NAGA: variants seen among roughly 807,000 people sequenced by gnomAD.
NAGA encodes Acetylgalactosaminidase, alpha-N- (alpha-galactosidase B).
A neutral mutation model predicts 45.6 loss-of-function variants in NAGA; 42 were observed. The ratio of observed to expected loss-of-function variants is 0.92; its 90% CI spans 0.72 to 1.19. NAGA has a LOEUF of 1.19. Among genes scored for constraint, NAGA ranks in the 50% most tolerant of loss-of-function variants. The probability of loss-of-function intolerance (pLI) is 0.00; values close to 1 mark genes in which losing one functional copy is unlikely to be tolerated. For synonymous variants in NAGA, 176 were observed against 203.1 expected, an observed-to-expected ratio of 0.87 and a Z score of 1.13; for missense variants, 493 against 544.8, an observed-to-expected ratio of 0.90 and a Z score of 0.95.
At chr22:42,064,009 C>T (rs1437359158) in intron 6 of NAGA, among the ~76,000 whole-genome samples, 1 of 152,060 alleles carries the variant, frequency 6.6e-6, no homozygotes, top group East Asian at 1.9e-4. Context: ...GATTGCACCA[C>T]TGCACTCCAG....
At chr22:42,062,768 T>C in intron 7 of NAGA, 59 bp downstream of exon 7, 1 of 1,586,438 alleles carries the variant, frequency 6.3e-7, no homozygotes, top group South Asian at 1.1e-5. Flanking sequence ...CTGGCAGCCT[T>C]TCTCTCAGGA....
chr22:42,060,149 T>G lies in NAGA; in HGVS notation c.*130A>C. ...TAGAACCTGGCCGTGAGATTGCACT[T>G]TGGGTATGATGGGGTCAGTCACCGA... On this transcript the variant is annotated 3_prime_UTR_variant, in exon 9 of 9. Coordinates refer to ENST00000396398, the MANE Select transcript of NAGA (RefSeq NM_000262.3). The G allele has an allele frequency of 8.1e-7, 1 of 1,230,852 alleles. No individual in the cohort carries two copies. Among genetic ancestry groups the G allele is most frequent in the Non-Finnish European group, 1.2e-6 (1 of 848,798 alleles). 76.2% of individuals were successfully genotyped at this position (1,230,852 alleles called of 1,614,324 possible). A position where few individuals can be genotyped will look rare whatever the true frequency, so the allele number is the denominator to read the frequency against.
chr22:42,064,791 C>G (rs1032505295), intron 6 of NAGA, among the ~76,000 whole-genome samples: 2 of 152,138 alleles, frequency 1.3e-5, no homozygotes, highest in Non-Finnish European at 2.9e-5. Context: ...CAATAAATGT[C>G]CCAAGGTGAC....
intron 2 of NAGA, 71 bp from the exon 3 acceptor site, chr22:42,068,007 C>G: frequency 7.1e-7 from 1 of 1,403,084 alleles, no homozygotes. Flanking sequence ...TGCCTCAGCT[C>G]TGATTGAATC....
intron 1 of NAGA, among the ~76,000 whole-genome samples, 162 bp from the exon 2 acceptor site, chr22:42,068,736 A>G (rs1926890750): frequency 6.6e-6 from 1 of 151,960 alleles, no homozygotes; most frequent in Non-Finnish European, 1.5e-5. Flanking sequence ...TCTTCCTGCA[A>G]TGGCTGGCTC....
chr22:42,068,637 C>G, intron 1 of NAGA, 63 bp from the exon 2 acceptor site: 1 of 1,601,766 alleles, frequency 6.2e-7, no homozygotes, highest in African/African-American at 1.3e-5. Flanking sequence ...AGCCCTCATC[C>G]CACCCCATCT....
chr22:42,067,662 ACT>A, intron 3 of NAGA, 101 bp downstream of exon 3: 1 of 1,031,356 alleles, frequency 9.7e-7, no homozygotes, highest in East Asian at 2.5e-5. Flanking sequence ...TGTTTCCCCC[ACT>A]AGACTGTGAG....
rs775152449 is a variant in NAGA, at chr22:42,067,834, G to C, written c.255C>G (p.Arg85=). 4.3e-6 allele frequency: 7 copies of C among 1,612,270 alleles called. No homozygotes were observed. In the African/African-American group the frequency reaches 9.3e-5, roughly 22 times the overall value. Residue 85 remains arginine (R), a synonymous_variant, in exon 3 of 9, where the codon CGC becomes CGG. Transcript: ENST00000396398. ...CCGGCATCAGGCGGCCACTGGCATC[G>C]CGACCACCGATCCAGCAGTCATCAA... is the stretch of plus-strand genomic sequence containing the variant. ...LNIDDCWIGG[R]DASGRLMPDP...
intron 2 of NAGA, 97 bp downstream of exon 2, chr22:42,068,342 T>G: frequency 6.3e-7 from 1 of 1,589,954 alleles, no homozygotes. Flanking sequence ...TGGAGAACTC[T>G]GACCTTGCCC....
intron 7 of NAGA, among the ~76,000 whole-genome samples, 157 bp from the exon 8 acceptor site, chr22:42,061,224 C>G (rs1385424799): frequency 4.6e-5 from 7 of 152,202 alleles, no homozygotes; most frequent in Admixed American, 4.6e-4. Context: ...CCCAGCTTAT[C>G]TAACCCTATC....
At position 42,064,138 on chromosome 22, in the gene NAGA, C is replaced by T. The variant is rs181523320; in HGVS notation, c.760-1114G>A. ...GGCAGATCACCTGAGGTCAGGAGTT[C>T]GAAACCAGCCTGACCAACACGGAGA... On this transcript the variant is annotated intron_variant, in intron 6 of 8. Coordinates refer to ENST00000396398, the MANE Select transcript of NAGA (RefSeq NM_000262.3). Among the ~76,000 whole-genome samples, 357 of 147,334 alleles carry T rather than the reference C, an allele frequency of 2.4e-3. 1 individual carries two copies. The highest frequency in any genetic ancestry group is 6.0e-3 in the Admixed American group (89 of 14,776).
At position 42,070,670 on chromosome 22, in the gene NAGA, G is replaced by A; in HGVS notation, c.-373C>T. ...CACCAAGAAAGAGCGGAGGGGCGGG[G>A]CTGCGGCCAGGCTCCGGACTTCCAG... On this transcript the variant is annotated 5_prime_UTR_variant, in exon 1 of 9. Transcript: ENST00000396398. 1 of 355,042 alleles carries A rather than the reference G, an allele frequency of 2.8e-6. No homozygotes were observed. Among genetic ancestry groups the A allele is most frequent in the Non-Finnish European group, 5.4e-6 (1 of 186,120 alleles). 22.0% of individuals were successfully genotyped at this position (355,042 alleles called of 1,614,324 possible).
intron 7 of NAGA, among the ~76,000 whole-genome samples, chr22:42,062,048 G>A (rs1206204433): frequency 1.3e-5 from 2 of 151,488 alleles, no homozygotes; most frequent in Non-Finnish European, 2.9e-5. Flanking sequence ...TCAGACTCTC[G>A]AAGTTTCATT....
intron 6 of NAGA, among the ~76,000 whole-genome samples, chr22:42,064,470 C>T (rs1926599724): frequency 1.6e-5 from 2 of 126,626 alleles, no homozygotes; most frequent in South Asian, 5.4e-4. Context: ...GAAACCCCAT[C>T]TCTACTAAAA....
intron 7 of NAGA, among the ~76,000 whole-genome samples, chr22:42,062,260 G>C (rs1005802739): frequency 1.3e-5 from 2 of 152,086 alleles, no homozygotes; most frequent in African/African-American, 4.8e-5. Context: ...GATCACCTGA[G>C]GCCAGGAGTT....
intron 5 of NAGA, among the ~76,000 whole-genome samples, chr22:42,066,269 G>A (rs1042760744): frequency 1.3e-5 from 2 of 151,998 alleles, no homozygotes; most frequent in Non-Finnish European, 2.9e-5. Flanking sequence ...AGAGGCCTGA[G>A]CCCACCCTTT....
At chr22:42,064,130 CAG>C (rs2146839098) in intron 6 of NAGA, among the ~76,000 whole-genome samples, 1 of 150,966 alleles carries the variant, frequency 6.6e-6, no homozygotes, top group East Asian at 2.0e-4. Flanking sequence ...CACCTGAGGT[CAG>C]GAGTTCGAAA....
rs1926277925 is a variant in NAGA at position 42,060,212 on chromosome 22, G to T, written c.*67C>A. 1.9e-6 allele frequency: 3 copies of T among 1,600,706 alleles called. No homozygotes were observed. The African/African-American group carries it at 4.0e-5, about 21-fold the overall frequency. On this transcript the variant is annotated 3_prime_UTR_variant, in exon 9 of 9. Transcript: ENST00000396398. ...AGCAGAGAACCTCCCCACTTGCCCT[G>T]GGCATGCCAAGGCTCCATGGTCTAG...
intron 7 of NAGA, among the ~76,000 whole-genome samples, chr22:42,061,661 G>A (rs1926400791): frequency 6.6e-6 from 1 of 152,184 alleles, no homozygotes; most frequent in African/African-American, 2.4e-5. Context: ...AAGAGCAAAG[G>A]CAGACAGGCA....
Sources: gnomAD v4.1 joint callset for allele counts (sites outside exome capture counted in the v4.1 genomes callset) on GRCh38, gnomAD v4.1.1 for gene constraint, MANE v1.5 for transcripts, NCBI Gene and HGNC (gene_info 2026-07-23, HGNC 2026-07-21) for gene names.